KIF6: variants seen among roughly 807,000 people sequenced by gnomAD.
KIF6 encodes the protein kinesin-like protein KIF6.
Under a neutral mutation model 112.7 loss-of-function variants are expected in KIF6, and 106 were observed. The ratio of observed to expected loss-of-function variants is 0.94; its 90% CI spans 0.80 to 1.11. The LOEUF is 1.11. KIF6 is among the 50% of genes least tolerant of loss of function. KIF6 has a pLI of 0.00. For missense variants in KIF6, 929 were observed against 964.0 expected, an observed-to-expected ratio of 0.96 and a Z score of 0.48; for synonymous variants, 339 against 339.9, an observed-to-expected ratio of 1.00 and a Z score of 0.03.
intron 13 of KIF6, among the ~76,000 whole-genome samples, chr6:39,520,022 G>A (rs546959967): frequency 7.9e-5 from 12 of 151,986 alleles, no homozygotes; most frequent in African/African-American, 2.2e-4. Context: ...ACTCCATCTC[G>A]AACAAACAAA....
intron 22 of KIF6, among the ~76,000 whole-genome samples, chr6:39,337,158 T>TCCTTCCTTC (rs1491446959): frequency 0.035 from 2,473 of 71,176 alleles, 244 homozygotes; most frequent in East Asian, 0.082. Flanking sequence ...CTCTTTCTTT[T>TCCTTCCTTC]CTTTCTTTCC....
At chr6:39,425,368 T>G (rs79584986) in intron 14 of KIF6, among the ~76,000 whole-genome samples, 1 of 152,304 alleles carries the variant, frequency 6.6e-6, no homozygotes, top group East Asian at 1.9e-4. Flanking sequence ...GCCATTTTTT[T>G]CCTCCATAAA....
chr6:39,487,495 C>A (rs1336884935), intron 13 of KIF6, among the ~76,000 whole-genome samples: 3 of 152,194 alleles, frequency 2.0e-5, no homozygotes, highest in Non-Finnish European at 4.4e-5. Flanking sequence ...AGGACTGAGG[C>A]CTTTATTGAG....
intron 13 of KIF6, among the ~76,000 whole-genome samples, chr6:39,494,528 A>G (rs991132966): frequency 6.6e-6 from 1 of 152,232 alleles, no homozygotes; most frequent in African/African-American, 2.4e-5. Context: ...GGAGAATTAC[A>G]TCATTTGAAC....
chr6:39,684,429 A>G (rs1787723335), intron 3 of KIF6, among the ~76,000 whole-genome samples: 2 of 152,110 alleles, frequency 1.3e-5, no homozygotes, highest in Non-Finnish European at 2.9e-5. Context: ...CAGCCTGACC[A>G]ACATGGAGAA....
chr6:39,420,886 T>G (rs1343034017), intron 14 of KIF6, among the ~76,000 whole-genome samples: 1 of 152,202 alleles, frequency 6.6e-6, no homozygotes, highest in African/African-American at 2.4e-5. Context: ...TCTACTAGAT[T>G]GCTGTGCTAA....
chr6:39,457,029 A>G (rs1285173953), intron 13 of KIF6, among the ~76,000 whole-genome samples: 1 of 141,856 alleles, frequency 7.0e-6, no homozygotes, highest in African/African-American at 2.7e-5. Flanking sequence ...CCTAATAGAC[A>G]TCTACAGAAC....
At chr6:39,449,514 T>C (rs1226564940) in intron 13 of KIF6, among the ~76,000 whole-genome samples, 1 of 152,230 alleles carries the variant, frequency 6.6e-6, no homozygotes, top group Non-Finnish European at 1.5e-5. Context: ...CAACTCACTA[T>C]TCAGTTTGCA....
chr6:39,481,517 C>T (rs1278999805), intron 13 of KIF6, among the ~76,000 whole-genome samples: 1 of 152,058 alleles, frequency 6.6e-6, no homozygotes, highest in Admixed American at 6.6e-5. Flanking sequence ...TTAAACGAAT[C>T]TCTCCATTTC....
intron 15 of KIF6, among the ~76,000 whole-genome samples, chr6:39,407,228 C>T (rs566730584): frequency 1.3e-5 from 2 of 151,992 alleles, no homozygotes; most frequent in African/African-American, 4.8e-5. Context: ...TTCCTTTTTA[C>T]AAGATTGCAG....
intron 13 of KIF6, among the ~76,000 whole-genome samples, chr6:39,440,308 T>C (rs187196077): frequency 6.6e-6 from 1 of 152,192 alleles, no homozygotes; most frequent in East Asian, 1.9e-4. Context: ...TAGTGGAAGC[T>C]CTTTAAATTG....
chr6:39,545,753 A>T, intron 10 of KIF6, 65 bp from the exon 11 acceptor site: 1 of 955,740 alleles, frequency 1.0e-6, no homozygotes, highest in Non-Finnish European at 1.7e-6. Flanking sequence ...TAATGGCATT[A>T]TCTAGTTGGT....
intron 15 of KIF6, among the ~76,000 whole-genome samples, chr6:39,396,740 G>T (rs1274263153): frequency 6.6e-6 from 1 of 152,174 alleles, no homozygotes; most frequent in South Asian, 2.1e-4. Flanking sequence ...AAAGCCCCCA[G>T]CACAGTGCCT....
intron 13 of KIF6, among the ~76,000 whole-genome samples, chr6:39,508,203 G>C (rs1776553111): frequency 6.6e-6 from 1 of 151,832 alleles, no homozygotes; most frequent in African/African-American, 2.4e-5. Flanking sequence ...TTCTAACAGG[G>C]GAGTTCTACG....
chr6:39,629,168 C>T (rs975530592), intron 5 of KIF6, among the ~76,000 whole-genome samples: 1 of 152,056 alleles, frequency 6.6e-6, no homozygotes, highest in Non-Finnish European at 1.5e-5. Flanking sequence ...CATAAGTTTT[C>T]AACTCATTTC....
intron 4 of KIF6, among the ~76,000 whole-genome samples, chr6:39,638,737 T>A (rs1183667714): frequency 6.6e-6 from 1 of 152,084 alleles, no homozygotes. Flanking sequence ...TATACAGAAG[T>A]AATACAACCA....
chr6:39,407,925 A>G (rs372834743), intron 15 of KIF6, among the ~76,000 whole-genome samples: 1 of 152,302 alleles, frequency 6.6e-6, no homozygotes, highest in African/African-American at 2.4e-5. Context: ...CAACTTGAAA[A>G]ACAGAAAAAA....
At chr6:39,512,947 A>G (rs1776862409) in intron 13 of KIF6, among the ~76,000 whole-genome samples, 1 of 152,146 alleles carries the variant, frequency 6.6e-6, no homozygotes, top group East Asian at 1.9e-4. Flanking sequence ...CCCTGCCTCC[A>G]ATTAGCTCCT....
intron 13 of KIF6, among the ~76,000 whole-genome samples, chr6:39,498,496 A>G (rs1226445035): frequency 6.6e-6 from 1 of 152,220 alleles, no homozygotes; most frequent in Admixed American, 6.5e-5. Context: ...AATTTCTTCC[A>G]GGGCAAACTT....
Sources: allele counts gnomAD v4.1 joint callset (sites outside exome capture counted in the v4.1 genomes callset), GRCh38; gene constraint gnomAD v4.1.1; transcripts MANE v1.5; gene names NCBI Gene and HGNC (gene_info 2026-07-23, HGNC 2026-07-21).